PARD3B: variants seen among roughly 807,000 people sequenced by gnomAD.
The protein encoded by PARD3B is par-3 family cell polarity regulator beta.
Under a neutral mutation model 130.2 loss-of-function variants are expected in PARD3B, and 103 were observed. That is an observed-to-expected ratio of 0.79 (90% CI 0.67 to 0.93). The LOEUF is 0.93. PARD3B is among the 40% of genes least tolerant of loss of function. The pLI is 0.00. For synonymous variants in PARD3B, 583 were observed against 553.2 expected (o/e 1.05, Z -0.76); for missense variants, 1,609 against 1,499.2 (o/e 1.07, Z -1.21).
chr2:204,982,950 C>G (rs963782942), intron 3 of PARD3B, among the ~76,000 whole-genome samples: 3 of 152,074 alleles, frequency 2.0e-5, no homozygotes, highest in Admixed American at 6.6e-5. Flanking sequence ...ATATAATTAC[C>G]TAAATCTAGA....
At chr2:204,913,132 C>A (rs1263294048) in intron 2 of PARD3B, among the ~76,000 whole-genome samples, 1 of 152,098 alleles carries the variant, frequency 6.6e-6, no homozygotes, top group Non-Finnish European at 1.5e-5. Flanking sequence ...CTCACTAATC[C>A]CCAAATTCTA....
At chr2:205,385,567 G>C (rs1339493167) in intron 18 of PARD3B, among the ~76,000 whole-genome samples, 1 of 152,088 alleles carries the variant, frequency 6.6e-6, no homozygotes, top group Non-Finnish European at 1.5e-5. Flanking sequence ...TGGAAGCCTA[G>C]TGTGATTCTA....
chr2:205,605,658 T>C (rs964148096), intron 22 of PARD3B, among the ~76,000 whole-genome samples: 1 of 152,178 alleles, frequency 6.6e-6, no homozygotes, highest in Admixed American at 6.5e-5. Context: ...ATCGACCTGA[T>C]GCCAGCAGGA....
In PARD3B at chr2:205,176,751, G is replaced by C. The variant is rs1369832989; in HGVS notation, c.1924+174G>C. On this transcript the variant is annotated intron_variant, in intron 13 of 22. Coordinates refer to ENST00000406610, the MANE Select transcript of PARD3B (RefSeq NM_001302769.2). This position sits in a 1 kb window ranked among gnomAD's most constrained non-coding sequence, Gnocchi z 5.3. ...GGGGGAGAGCTGACTCAGAACTTGT[G>C]AATCAGATTCCTGGCAATGTCTCTA... 6.6e-6 allele frequency among the ~76,000 whole-genome samples: 1 copy of C among 152,052 alleles called. No individual in the cohort carries two copies. Among genetic ancestry groups the C allele is most frequent in the Non-Finnish European group, 1.5e-5 (1 of 68,020 alleles).
chr2:205,033,429 A>G (rs1319638611), intron 3 of PARD3B, among the ~76,000 whole-genome samples: 1 of 152,134 alleles, frequency 6.6e-6, no homozygotes, highest in Non-Finnish European at 1.5e-5. Context: ...TCTTCCTGCT[A>G]TTTCAATTAG....
chr2:204,911,401 T>C lies in PARD3B; in HGVS notation c.223-53751T>C, dbSNP rs940068250. 5.9e-5 allele frequency among the ~76,000 whole-genome samples: 9 copies of C among 152,322 alleles called. No homozygotes were observed. The South Asian group carries it at 1.2e-3, about 21-fold the overall frequency. On this transcript the variant is annotated intron_variant, in intron 2 of 22. Transcript: ENST00000406610. Reference sequence around the variant, plus strand: ...CAGTGGTGTTCACCTGACTAACAAATTGTATAGAAAACACTAGTTGCTGGA... The same window carrying C: ...CAGTGGTGTTCACCTGACTAACAAACTGTATAGAAAACACTAGTTGCTGGA...
At chr2:205,298,942 A>G (rs1000310437) in intron 16 of PARD3B, among the ~76,000 whole-genome samples, 2 of 152,196 alleles carry the variant, frequency 1.3e-5, no homozygotes, top group African/African-American at 4.8e-5. Flanking sequence ...AGTTATGTCA[A>G]TGCTGTGTGC....
At chr2:204,630,752 A>G (rs1383022619) in intron 1 of PARD3B, among the ~76,000 whole-genome samples, 1 of 152,124 alleles carries the variant, frequency 6.6e-6, no homozygotes, top group Non-Finnish European at 1.5e-5. Flanking sequence ...GTTTATGTGT[A>G]TAGAGATAAT....
intron 2 of PARD3B, among the ~76,000 whole-genome samples, chr2:204,920,141 A>G (rs919439582): frequency 3.4e-4 from 52 of 152,338 alleles, no homozygotes; most frequent in African/African-American, 1.2e-3. Flanking sequence ...AGTTGAGAGT[A>G]TGGCAAAACA....
intron 18 of PARD3B, among the ~76,000 whole-genome samples, chr2:205,328,578 G>C (rs1214106502): frequency 6.6e-6 from 1 of 152,032 alleles, no homozygotes; most frequent in East Asian, 1.9e-4. Flanking sequence ...AAATGCATGA[G>C]TTATTTTGAA....
At chr2:205,327,166 G>T (rs562412708) in intron 18 of PARD3B, among the ~76,000 whole-genome samples, 3 of 152,228 alleles carry the variant, frequency 2.0e-5, no homozygotes, top group East Asian at 3.9e-4. Flanking sequence ...TGAAGCTAAT[G>T]GAAAGGTTTA....
rs1559218240 is a variant in PARD3B, at chr2:204,874,245, CAT to C, written c.223-90906_223-90905del. Among the ~76,000 whole-genome samples, 3 of 152,330 alleles carry C rather than the reference CAT, an allele frequency of 2.0e-5. No individual in the cohort carries two copies. In the Middle Eastern group the frequency reaches 0.01, roughly 518 times the overall value. ...ACAATGAATGGCCCCTTTTAGCACA[CAT>C]GTCTCTCATGACAGCCCTGTATTAC... is the stretch of plus-strand genomic sequence containing the variant. On this transcript the variant is annotated intron_variant, in intron 2 of 22. Coordinates refer to ENST00000406610, the MANE Select transcript of PARD3B (RefSeq NM_001302769.2).
At chr2:205,216,269 C>T (rs529662895) in intron 15 of PARD3B, among the ~76,000 whole-genome samples, 2 of 152,070 alleles carry the variant, frequency 1.3e-5, no homozygotes, top group South Asian at 2.1e-4. Context: ...GCTAAACCAT[C>T]GAGGTTTGTG....
chr2:204,603,603 A>G (rs900383130), intron 1 of PARD3B, among the ~76,000 whole-genome samples: 10 of 151,918 alleles, frequency 6.6e-5, no homozygotes, highest in Non-Finnish European at 1.3e-4. Context: ...CCTTATAATC[A>G]TTTGTTACAA....
In PARD3B at chr2:205,011,681, C is replaced by G. The variant is rs1364157224; in HGVS notation, c.395-35900C>G. Among the ~76,000 whole-genome samples the G allele has an allele frequency of 1.3e-5, 2 of 152,136 alleles. No homozygotes were observed. Among genetic ancestry groups the G allele is most frequent in the East Asian group, 3.9e-4 (2 of 5,188 alleles). The stretch of plus-strand genomic sequence containing the variant: ...TTATTTTCCGCAGAGAAAGACTCCT[C>G]TCCATGTGCCTTACCTGAAGATTTA... On this transcript the variant is annotated intron_variant, in intron 3 of 22. Transcript: ENST00000406610. This position sits in a 1 kb window ranked among gnomAD's most constrained non-coding sequence, Gnocchi z 4.1.
chr2:205,285,683 G>A (rs991656282), intron 16 of PARD3B, among the ~76,000 whole-genome samples: 1 of 152,104 alleles, frequency 6.6e-6, no homozygotes, highest in African/African-American at 2.4e-5. Context: ...GACCATCTCT[G>A]TTTGGTGCTG....
At chr2:205,217,820 A>ATATG (rs386392374) in intron 15 of PARD3B, among the ~76,000 whole-genome samples, 2 of 132,012 alleles carry the variant, frequency 1.5e-5, no homozygotes, top group African/African-American at 5.7e-5. Flanking sequence ...ATATATGTAT[A>ATATG]TGTGTGTGTA....
At chr2:205,479,935 C>T (rs908135896) in intron 20 of PARD3B, among the ~76,000 whole-genome samples, 5 of 136,066 alleles carry the variant, frequency 3.7e-5, no homozygotes, top group Admixed American at 1.5e-4. Flanking sequence ...TGGAGTCTTG[C>T]TCTGTCACCC....
At position 205,168,048 on chromosome 2, in the gene PARD3B, C is replaced by G. The variant is rs547232553; in HGVS notation, c.1621-4163C>G. ...AAACCATGCCAGGACATGGAGAAGACCTAACCTCATACCAGGTTTTTTCGT... is the reference window on the plus strand; with the variant it reads ...AAACCATGCCAGGACATGGAGAAGAGCTAACCTCATACCAGGTTTTTTCGT... On this transcript the variant is annotated intron_variant, in intron 11 of 22. Transcript: ENST00000406610. Among the ~76,000 whole-genome samples the G allele has an allele frequency of 2.6e-5, 4 of 152,282 alleles. No homozygotes were observed. In the South Asian group the frequency reaches 8.3e-4, roughly 32 times the overall value.
Sources: allele counts gnomAD v4.1 joint callset (sites outside exome capture counted in the v4.1 genomes callset), GRCh38; gene constraint gnomAD v4.1.1; non-coding constraint Gnocchi (gnomAD v3.1); transcripts MANE v1.5; gene names NCBI Gene and HGNC (gene_info 2026-07-23, HGNC 2026-07-21).